SPOCK1: variants seen among roughly 807,000 people sequenced by gnomAD.
SPOCK1 encodes testican-1.
In SPOCK1, 23 loss-of-function variants were observed where a neutral mutation model predicts 55.3. The ratio of observed to expected loss-of-function variants is 0.42; its 90% CI spans 0.30 to 0.59. The LOEUF (loss-of-function observed/expected upper bound fraction) is 0.59, where lower values mean the gene tolerates loss of function less well. Among genes scored for constraint, SPOCK1 ranks in the 20% least tolerant of loss-of-function variants. SPOCK1 has a pLI of 0.22. For synonymous variants in SPOCK1, 226 were observed against 221.0 expected (o/e 1.02, Z -0.20); for missense variants, 499 against 552.5 (o/e 0.90, Z 0.97).
At chr5:137,323,628 G>C (rs1162483575) in intron 2 of SPOCK1, among the ~76,000 whole-genome samples, 2 of 151,658 alleles carry the variant, frequency 1.3e-5, no homozygotes, top group Non-Finnish European at 2.9e-5. Flanking sequence ...TCAAATAACA[G>C]CAAGAAAACA....
intron 3 of SPOCK1, among the ~76,000 whole-genome samples, chr5:137,210,394 A>G (rs1359217303): frequency 1.3e-5 from 2 of 152,192 alleles, no homozygotes; most frequent in Non-Finnish European, 2.9e-5. Context: ...CCTTAAGGCA[A>G]TATCACATCT....
chr5:137,053,906 T>A (rs1468295), intron 6 of SPOCK1, among the ~76,000 whole-genome samples: 98,576 of 152,104 alleles, frequency 0.65, 36,457 homozygotes, highest in Non-Finnish European at 0.82. Context: ...GTGAGCTTAT[T>A]CTTCCTCAAA....
intron 2 of SPOCK1, among the ~76,000 whole-genome samples, chr5:137,358,938 G>A (rs906424659): frequency 6.6e-6 from 1 of 152,142 alleles, no homozygotes; most frequent in Admixed American, 6.5e-5. Context: ...CTGAAAGTAT[G>A]AACTCATCAC....
At chr5:137,307,837 C>T (rs967896757) in intron 2 of SPOCK1, among the ~76,000 whole-genome samples, 1 of 152,230 alleles carries the variant, frequency 6.6e-6, no homozygotes, top group Non-Finnish European at 1.5e-5. Context: ...GACTAGAACG[C>T]TGTGCTGCAG....
intron 2 of SPOCK1, among the ~76,000 whole-genome samples, chr5:137,447,659 G>T (rs1753157274): frequency 6.6e-6 from 1 of 151,912 alleles, no homozygotes; most frequent in African/African-American, 2.4e-5. Context: ...CTCTCCCAGG[G>T]GTCTGAGAGC....
chr5:137,282,159 T>A (rs1419322369), intron 2 of SPOCK1, among the ~76,000 whole-genome samples: 1 of 152,346 alleles, frequency 6.6e-6, no homozygotes, highest in East Asian at 1.9e-4. Context: ...TATTTTGTAG[T>A]TGACCCCAGT....
chr5:137,039,049 T>G, intron 6 of SPOCK1, among the ~76,000 whole-genome samples: 1 of 152,162 alleles, frequency 6.6e-6, no homozygotes, highest in Non-Finnish European at 1.5e-5. Context: ...GTGGTGGTGG[T>G]AATAATGTCA....
intron 6 of SPOCK1, among the ~76,000 whole-genome samples, chr5:137,023,960 A>ATTTTTT (rs34202986): frequency 2.5e-4 from 33 of 129,820 alleles, no homozygotes; most frequent in Middle Eastern, 4.1e-3. Context: ...TCAATATAGT[A>ATTTTTT]TTTTTTTTTT....
At chr5:137,483,981 T>C (rs755426838) in intron 2 of SPOCK1, among the ~76,000 whole-genome samples, 4 of 152,066 alleles carry the variant, frequency 2.6e-5, no homozygotes, top group African/African-American at 9.7e-5. Flanking sequence ...GGAGGAAACA[T>C]TGGGTAATGA....
intron 2 of SPOCK1, among the ~76,000 whole-genome samples, chr5:137,311,735 A>G (rs1424511089): frequency 1.3e-5 from 2 of 151,996 alleles, no homozygotes; most frequent in African/African-American, 4.8e-5. Flanking sequence ...CAGAACTCCC[A>G]GGAAGAATCA....
At chr5:136,987,193 C>A (rs991890023) in intron 8 of SPOCK1, among the ~76,000 whole-genome samples, 3 of 151,964 alleles carry the variant, frequency 2.0e-5, no homozygotes, top group Non-Finnish European at 4.4e-5. Context: ...CCTTTCTAAG[C>A]TTTATGGCTT....
chr5:137,089,942 C>A (rs1006718018), intron 5 of SPOCK1, among the ~76,000 whole-genome samples: 5 of 152,132 alleles, frequency 3.3e-5, no homozygotes, highest in African/African-American at 9.7e-5. Flanking sequence ...CCAGGAAGGC[C>A]ACAGAGGCCA....
At chr5:137,406,725 A>C (rs1752107296) in intron 2 of SPOCK1, among the ~76,000 whole-genome samples, 1 of 151,890 alleles carries the variant, frequency 6.6e-6, no homozygotes, top group African/African-American at 2.4e-5. Flanking sequence ...AAGAACACAC[A>C]CTCTGGCTTT....
intron 2 of SPOCK1, among the ~76,000 whole-genome samples, chr5:137,325,312 C>G (rs888213279): frequency 6.6e-6 from 1 of 152,132 alleles, no homozygotes; most frequent in Non-Finnish European, 1.5e-5. Flanking sequence ...CTTCTCAAAT[C>G]GGGAAAATTT....
In SPOCK1 at chr5:137,227,012, G is replaced by C. The variant is rs534695311; in HGVS notation, c.232+39998C>G. ...ACTCCCTCTTTCAAAGCCTTCCTCT[G>C]TTATCCATCTGCAAAATGAGGAATT... is the stretch of plus-strand genomic sequence containing the variant. On this transcript the variant is annotated intron_variant, in intron 3 of 10. Transcript: ENST00000394945. Among the ~76,000 whole-genome samples, 12 of 152,308 alleles carry C rather than the reference G, an allele frequency of 7.9e-5. 1 individual carries two copies. Among genetic ancestry groups the C allele is most frequent in the Middle Eastern group, 6.8e-3 (2 of 294 alleles).
intron 6 of SPOCK1, among the ~76,000 whole-genome samples, chr5:136,996,063 T>C (rs1751034862): frequency 6.6e-6 from 1 of 152,162 alleles, no homozygotes; most frequent in African/African-American, 2.4e-5. Context: ...TGTTCAAATT[T>C]GGTATTCTAG....
intron 2 of SPOCK1, among the ~76,000 whole-genome samples, chr5:137,460,052 T>C (rs1183336155): frequency 1.3e-5 from 2 of 152,184 alleles, no homozygotes; most frequent in Admixed American, 6.5e-5. Context: ...GATGGGGCAG[T>C]AAGTAGGACT....
intron 6 of SPOCK1, among the ~76,000 whole-genome samples, chr5:137,055,914 C>T (rs1169131608): frequency 6.6e-6 from 1 of 152,142 alleles, no homozygotes; most frequent in Non-Finnish European, 1.5e-5. Flanking sequence ...TAGGGAAGTA[C>T]ATAGACAAGT....
At chr5:137,198,037 G>A (rs554318995) in intron 3 of SPOCK1, among the ~76,000 whole-genome samples, 17 of 152,046 alleles carry the variant, frequency 1.1e-4, no homozygotes, top group Admixed American at 3.3e-4. Context: ...TGTTTTTTTC[G>A]TTATATTGAC....
Sources: gnomAD v4.1 joint callset for allele counts (sites outside exome capture counted in the v4.1 genomes callset) on GRCh38, gnomAD v4.1.1 for gene constraint, MANE v1.5 for transcripts, NCBI Gene and HGNC (gene_info 2026-07-23, HGNC 2026-07-21) for gene names.